Variants in DNAJC3 observed in about 807,000 individuals in gnomAD.
DNAJC3 encodes dnaJ homolog subfamily C member 3.
A neutral mutation model predicts 68.6 loss-of-function variants in DNAJC3; 38 were observed. The ratio of observed to expected loss-of-function variants is 0.55; its 90% CI spans 0.43 to 0.73. The LOEUF is 0.73. DNAJC3 is among the 30% of genes least tolerant of loss of function. The probability of loss-of-function intolerance (pLI) is 0.00; values close to 1 mark genes in which losing one functional copy is unlikely to be tolerated. For missense variants in DNAJC3, 526 were observed against 591.9 expected (o/e 0.89, Z 1.16); for synonymous variants, 203 against 204.0 (o/e 1.00, Z 0.04).
intron 4 of DNAJC3, among the ~76,000 whole-genome samples, chr13:95,743,181 G>C (rs902214650): frequency 6.6e-6 from 1 of 152,140 alleles, no homozygotes; most frequent in Non-Finnish European, 1.5e-5. Context: ...GATTACTATA[G>C]ATAGTATTAA....
At chr13:95,785,109 C>G (rs184954270) in intron 9 of DNAJC3, among the ~76,000 whole-genome samples, 1 of 152,128 alleles carries the variant, frequency 6.6e-6, no homozygotes, top group Non-Finnish European at 1.5e-5. Flanking sequence ...GGATTGTGGA[C>G]AGTTCCTTCT....
rs149064544 is a variant in DNAJC3, at chr13:95,681,325, T to C, written c.82+3988T>C. Among the ~76,000 whole-genome samples, 1,259 of 152,340 alleles carry C rather than the reference T, an allele frequency of 8.3e-3. 2 individuals are homozygous for C. Among genetic ancestry groups the C allele is most frequent in the Non-Finnish European group, 0.013 (880 of 68,028 alleles). ...CGGAGGAAAATGGAGACAACTTTGC[T>C]GATTAGTCTCATTTATCTTTATTTT... On this transcript the variant is annotated intron_variant, in intron 1 of 11. Transcript: ENST00000602402.
chr13:95,748,561 A>ATCCCAG (rs1362930280), intron 4 of DNAJC3, among the ~76,000 whole-genome samples: 5 of 152,216 alleles, frequency 3.3e-5, no homozygotes, highest in Non-Finnish European at 7.3e-5. Flanking sequence ...CACGCCTGTA[A>ATCCCAG]TCCCAGCACT....
intron 9 of DNAJC3, among the ~76,000 whole-genome samples, chr13:95,784,738 T>A (rs1883546555): frequency 6.6e-6 from 1 of 152,206 alleles, no homozygotes; most frequent in Non-Finnish European, 1.5e-5. Context: ...CAAACTTTTC[T>A]AAGGATAGTT....
chr13:95,710,635 G>A (rs1320260608), intron 2 of DNAJC3, among the ~76,000 whole-genome samples: 1 of 152,060 alleles, frequency 6.6e-6, no homozygotes, highest in South Asian at 2.1e-4. Flanking sequence ...ATGGTTGAGA[G>A]TGTGTAGTTA....
intron 4 of DNAJC3, among the ~76,000 whole-genome samples, chr13:95,734,926 G>T: frequency 1.4e-5 from 2 of 143,822 alleles, no homozygotes. Context: ...CCACTAACTC[G>T]TCATCTAGCA....
intron 11 of DNAJC3, among the ~76,000 whole-genome samples, chr13:95,788,872 T>C (rs1359132134): frequency 6.6e-6 from 1 of 152,220 alleles, no homozygotes; most frequent in Non-Finnish European, 1.5e-5. Flanking sequence ...TTAGCTTTTA[T>C]AAAACAAAGC....
chr13:95,729,238 C>G (rs1881629271), intron 4 of DNAJC3, among the ~76,000 whole-genome samples: 2 of 115,568 alleles, frequency 1.7e-5, no homozygotes, highest in African/African-American at 6.7e-5. Context: ...CTCCCTCTCC[C>G]CCTCCCACTC....
chr13:95,765,567 GTTTTTTTTTTT>G (rs1024972959), intron 9 of DNAJC3, among the ~76,000 whole-genome samples: 20 of 102,348 alleles, frequency 2.0e-4, no homozygotes, highest in Non-Finnish European at 3.8e-4. Context: ...TAATTGATCT[GTTTTTTTTTTT>G]TTTTTTTTTT....
intron 4 of DNAJC3, among the ~76,000 whole-genome samples, chr13:95,733,362 C>T (rs1193628565): frequency 6.6e-6 from 1 of 152,074 alleles, no homozygotes; most frequent in Admixed American, 6.6e-5. Flanking sequence ...TCTTGCTGAA[C>T]TGATCCGTTT....
At chr13:95,712,891 G>T (rs1881019277) in intron 2 of DNAJC3, among the ~76,000 whole-genome samples, 3 of 152,104 alleles carry the variant, frequency 2.0e-5, no homozygotes, top group Admixed American at 1.3e-4. Flanking sequence ...TTTTTGTCAT[G>T]GGAGGGACCC....
Position 95,677,202 on chromosome 13 carries a change from C to A in DNAJC3, c.-54C>A. 2 of 1,537,594 alleles carry A rather than the reference C, an allele frequency of 1.3e-6. No individual in the cohort carries two copies. The highest frequency in any genetic ancestry group is 8.8e-7 in the Non-Finnish European group (1 of 1,135,560). ...GGCGCAGCTGCTGCCGGAGCGCCGG[C>A]GCGTGCTGGTGGGCCACACACCTTT... On this transcript the variant is annotated 5_prime_UTR_variant, in exon 1 of 12. Coordinates refer to ENST00000602402, the MANE Select transcript of DNAJC3 (RefSeq NM_006260.5).
intron 1 of DNAJC3, among the ~76,000 whole-genome samples, chr13:95,697,880 C>T (rs966936064): frequency 7.0e-6 from 1 of 142,598 alleles, no homozygotes; most frequent in Admixed American, 7.2e-5. Flanking sequence ...TCAACCTTCT[C>T]TTGGTTCTCA....
chr13:95,772,448 C>T (rs1883183289), intron 9 of DNAJC3, among the ~76,000 whole-genome samples: 1 of 152,128 alleles, frequency 6.6e-6, no homozygotes, highest in Non-Finnish European at 1.5e-5. Context: ...AAGAAACTGC[C>T]AGACTCTTTC....
At chr13:95,754,572 T>C (rs1331363421) in intron 4 of DNAJC3, among the ~76,000 whole-genome samples, 1 of 149,652 alleles carries the variant, frequency 6.7e-6, no homozygotes, top group Non-Finnish European at 1.5e-5. Context: ...ATGGGCTGGG[T>C]GCAGTGGCTC....
At position 95,788,912 on chromosome 13, in the gene DNAJC3, TAGTTATTAAC is replaced by T. The variant is rs1883680212; in HGVS notation, c.1357+1759_1357+1768del. Among the ~76,000 whole-genome samples, 6 of 152,342 alleles carry T rather than the reference TAGTTATTAAC, an allele frequency of 3.9e-5. No homozygotes were observed. In the South Asian group the frequency reaches 1.2e-3, roughly 32 times the overall value. ...TTTCAGATCACCTACAATACCCGCT[TAGTTATTAAC>T]ACTCAGCATAAGAACCCTCAGTTTT... On this transcript the variant is annotated intron_variant, in intron 11 of 11. Transcript: ENST00000602402.
chr13:95,762,508 T>C (rs530351346), intron 7 of DNAJC3, among the ~76,000 whole-genome samples: 1 of 152,338 alleles, frequency 6.6e-6, no homozygotes, highest in East Asian at 1.9e-4. Flanking sequence ...GAAAGTTTTC[T>C]ATTTTAAAAA....
At chr13:95,732,390 G>T (rs1192640738) in intron 4 of DNAJC3, among the ~76,000 whole-genome samples, 1 of 152,114 alleles carries the variant, frequency 6.6e-6, no homozygotes, top group East Asian at 1.9e-4. Flanking sequence ...GCCTTGGTAG[G>T]TTCAGCCTTG....
chr13:95,767,713 A>T (rs1249785932), intron 9 of DNAJC3, among the ~76,000 whole-genome samples: 2 of 138,600 alleles, frequency 1.4e-5, no homozygotes, highest in African/African-American at 6.3e-5. Context: ...TTTTTGAGAC[A>T]GAGTCTTGCT....
Sources: gnomAD v4.1 joint callset for allele counts (sites outside exome capture counted in the v4.1 genomes callset) on GRCh38, gnomAD v4.1.1 for gene constraint, MANE v1.5 for transcripts, NCBI Gene and HGNC (gene_info 2026-07-23, HGNC 2026-07-21) for gene names.